SLC4A10: variants seen among roughly 807,000 people sequenced by gnomAD.
SLC4A10 encodes solute carrier family 4 member 10, also known as sodium-driven chloride bicarbonate exchanger.
Under a neutral mutation model 137.7 loss-of-function variants are expected in SLC4A10, and 42 were observed. The observed-to-expected ratio is 0.30, with a 90% CI of 0.24 to 0.39. SLC4A10 has a LOEUF of 0.39. SLC4A10 is among the 10% of genes least tolerant of loss of function. The pLI is 1.00. For missense variants in SLC4A10, 925 were observed against 1,355.0 expected, an observed-to-expected ratio of 0.68 and a Z score of 4.98; for synonymous variants, 474 against 464.1, an observed-to-expected ratio of 1.02 and a Z score of -0.27.
intron 11 of SLC4A10, among the ~76,000 whole-genome samples, chr2:161,900,333 A>G (rs770528920): frequency 6.6e-6 from 1 of 152,108 alleles, no homozygotes; most frequent in Non-Finnish European, 1.5e-5. Flanking sequence ...CTGGGTAGAA[A>G]AACACCAGCT....
At chr2:161,902,360 G>A (rs1308188890) in intron 12 of SLC4A10, among the ~76,000 whole-genome samples, 2 of 151,966 alleles carry the variant, frequency 1.3e-5, no homozygotes. Context: ...AATTCTTTTT[G>A]GGATTAGGTG....
At chr2:161,726,840 T>A (rs909924378) in intron 1 of SLC4A10, among the ~76,000 whole-genome samples, 1 of 152,028 alleles carries the variant, frequency 6.6e-6, no homozygotes, top group African/African-American at 2.4e-5. Context: ...ACCTAGGAGG[T>A]GGGGGCTGCA....
intron 1 of SLC4A10, among the ~76,000 whole-genome samples, chr2:161,634,982 A>G (rs1456720203): frequency 6.6e-6 from 1 of 152,088 alleles, no homozygotes; most frequent in Non-Finnish European, 1.5e-5. Context: ...TGTAATTAAA[A>G]GATAAAAATA....
intron 1 of SLC4A10, among the ~76,000 whole-genome samples, chr2:161,755,026 C>G (rs1240629584): frequency 1.3e-5 from 2 of 152,114 alleles, no homozygotes; most frequent in Non-Finnish European, 2.9e-5. Context: ...ATTTCCATGT[C>G]TCCTGAACTT....
intron 1 of SLC4A10, among the ~76,000 whole-genome samples, chr2:161,680,244 G>A (rs1319775378): frequency 6.6e-6 from 1 of 151,938 alleles, no homozygotes; most frequent in Non-Finnish European, 1.5e-5. Context: ...ACTTATTAAG[G>A]GCAAGGTTGC....
rs41267439 is a variant in SLC4A10 at position 161,804,610 on chromosome 2, C to A, written c.277+15C>A. ...ACCTTCTTTTGGTAAGAATCCTTCT[C>A]CTTGTTTTTATTAAGTTAATTATTG... On this transcript the variant is annotated intron_variant, in intron 3 of 26. Coordinates refer to ENST00000446997, the MANE Select transcript of SLC4A10 (RefSeq NM_001178015.2). The A allele has an allele frequency of 1.3e-6, 2 of 1,593,668 alleles. No individual in the cohort carries two copies. The highest frequency in any genetic ancestry group is 1.1e-5 in the South Asian group (1 of 88,230).
At chr2:161,657,970 A>G (rs2037773621) in intron 1 of SLC4A10, among the ~76,000 whole-genome samples, 1 of 152,220 alleles carries the variant, frequency 6.6e-6, no homozygotes, top group Admixed American at 6.5e-5. Flanking sequence ...CAGGGCAATG[A>G]CAGTAAATGA....
At chr2:161,829,433 C>G (rs1014709673) in intron 3 of SLC4A10, among the ~76,000 whole-genome samples, 3 of 151,988 alleles carry the variant, frequency 2.0e-5, no homozygotes, top group African/African-American at 7.3e-5. Context: ...AGAAATCAGC[C>G]TCACATTTTT....
chr2:161,909,608 T>A (rs989660819), intron 15 of SLC4A10, among the ~76,000 whole-genome samples: 5 of 152,210 alleles, frequency 3.3e-5, no homozygotes, highest in Non-Finnish European at 5.9e-5. Flanking sequence ...CTCCAGTTGT[T>A]AAGCCTTGAT....
At chr2:161,877,654 A>G (rs1396121146) in intron 8 of SLC4A10, among the ~76,000 whole-genome samples, 1 of 152,076 alleles carries the variant, frequency 6.6e-6, no homozygotes, top group African/African-American at 2.4e-5. Context: ...CTAAAAGATC[A>G]GATTCCACAA....
At chr2:161,663,443 T>C (rs1363665843) in intron 1 of SLC4A10, among the ~76,000 whole-genome samples, 1 of 152,182 alleles carries the variant, frequency 6.6e-6, no homozygotes, top group African/African-American at 2.4e-5. Context: ...TTCTGAGTTA[T>C]CGCTTTACCT....
chr2:161,956,956 G>A, intron 19 of SLC4A10, 33 bp from the exon 20 acceptor site: 2 of 1,536,364 alleles, frequency 1.3e-6, no homozygotes, highest in South Asian at 1.2e-5. Context: ...TATTGACACA[G>A]TTTCTTTCTC....
intron 2 of SLC4A10, among the ~76,000 whole-genome samples, chr2:161,785,244 G>T (rs2053492835): frequency 6.6e-6 from 1 of 151,606 alleles, no homozygotes; most frequent in African/African-American, 2.4e-5. Context: ...AGTAATAAAA[G>T]ACCTCCAAAC....
At chr2:161,638,523 T>G (rs2034790305) in intron 1 of SLC4A10, among the ~76,000 whole-genome samples, 2 of 152,174 alleles carry the variant, frequency 1.3e-5, no homozygotes, top group Non-Finnish European at 2.9e-5. Flanking sequence ...GTTTGGTTAC[T>G]ATTGTTTTGC....
chr2:161,629,932 A>G (rs1046339692), intron 1 of SLC4A10, among the ~76,000 whole-genome samples: 1 of 151,880 alleles, frequency 6.6e-6, no homozygotes, highest in Non-Finnish European at 1.5e-5. Context: ...TTATTTATCC[A>G]TATACCCACT....
intron 1 of SLC4A10, among the ~76,000 whole-genome samples, chr2:161,767,235 CATATAT>C (rs72106317): frequency 4.4e-5 from 5 of 114,824 alleles, no homozygotes; most frequent in African/African-American, 9.2e-5. Flanking sequence ...TATATATACA[CATATAT>C]ATATATATAT....
At chr2:161,720,376 G>A (rs915455324) in intron 1 of SLC4A10, among the ~76,000 whole-genome samples, 2 of 152,090 alleles carry the variant, frequency 1.3e-5, no homozygotes, top group Non-Finnish European at 2.9e-5. Context: ...TTGGTGATGT[G>A]GGTTCTTTTT....
intron 8 of SLC4A10, among the ~76,000 whole-genome samples, chr2:161,874,311 T>C (rs944229512): frequency 1.3e-5 from 2 of 152,178 alleles, no homozygotes; most frequent in Admixed American, 6.5e-5. Context: ...TCAGAAACAA[T>C]CATTATAAAG....
At chr2:161,626,160 C>T (rs2105368416) in intron 1 of SLC4A10, among the ~76,000 whole-genome samples, 1 of 152,050 alleles carries the variant, frequency 6.6e-6, no homozygotes, top group African/African-American at 2.4e-5. Flanking sequence ...TTAGGGAAAC[C>T]CCCAACCCTT....
Sources: allele counts gnomAD v4.1 joint callset (sites outside exome capture counted in the v4.1 genomes callset), GRCh38; gene constraint gnomAD v4.1.1; transcripts MANE v1.5; gene names NCBI Gene and HGNC (gene_info 2026-07-23, HGNC 2026-07-21).